PI4KA: variants seen among roughly 807,000 people sequenced by gnomAD.
The protein encoded by PI4KA is phosphatidylinositol 4-kinase alpha, also known as PI4-kinase alpha.
Under a neutral mutation model 271.4 loss-of-function variants are expected in PI4KA, and 122 were observed. The observed-to-expected ratio is 0.45, with a 90% CI of 0.39 to 0.52. The LOEUF (loss-of-function observed/expected upper bound fraction) is 0.52. Among genes scored for constraint, PI4KA ranks in the 20% least tolerant of loss-of-function variants. The probability of loss-of-function intolerance (pLI) is 0.00; values close to 1 mark genes in which losing one functional copy is unlikely to be tolerated. For synonymous variants in PI4KA, 1,041 were observed against 1,078.8 expected, an observed-to-expected ratio of 0.96 and a Z score of 0.69; for missense variants, 1,969 against 2,769.1, an observed-to-expected ratio of 0.71 and a Z score of 6.48.
intron 18 of PI4KA, among the ~76,000 whole-genome samples, chr22:20,795,618 G>A (rs1032702387): frequency 6.6e-6 from 1 of 152,146 alleles, no homozygotes; most frequent in African/African-American, 2.4e-5. Flanking sequence ...TAGTGCCCAC[G>A]TGACATGCTA....
chr22:20,834,967 C>T (rs1924671650), intron 2 of PI4KA, among the ~76,000 whole-genome samples: 1 of 152,164 alleles, frequency 6.6e-6, no homozygotes, highest in Admixed American at 6.5e-5. Context: ...AGGAGGTACA[C>T]GTGTGTACAC....
Position 20,753,152 on chromosome 22 carries a change from C to T in PI4KA, c.2820G>A (p.Ala940=), listed in dbSNP as rs780605930. The T allele has an allele frequency of 1.4e-5, 22 of 1,613,230 alleles. No homozygotes were observed. The highest frequency in any genetic ancestry group is 1.7e-5 in the Non-Finnish European group (20 of 1,180,024). ...SGMMQCVIAV[A]DKVFDAFLNM... ...TCAGGAAGGCATCGAATACTTTGTCCGCGACTGCAATCACACACTGCATCA... is the reference window on the plus strand; with the variant it reads ...TCAGGAAGGCATCGAATACTTTGTCTGCGACTGCAATCACACACTGCATCA... Residue 940 remains alanine, a synonymous_variant, in exon 24 of 55, where the codon GCG becomes GCA. Transcript: ENST00000255882.
At chr22:20,762,859 CAG>C (rs2147384156) in intron 22 of PI4KA, among the ~76,000 whole-genome samples, 1 of 152,254 alleles carries the variant, frequency 6.6e-6, no homozygotes, top group East Asian at 1.9e-4. Context: ...TTTTATAAGA[CAG>C]GGTCTTTTGC....
At position 20,796,316 on chromosome 22, in the gene PI4KA, TGAA is replaced by T. The variant is rs746217558; in HGVS notation, c.2109-5_2109-3del. On this transcript the variant is annotated splice_region_variant and splice_polypyrimidine_tract_variant and intron_variant, in intron 17 of 54. Transcript: ENST00000255882. ...TTAATCACTGCCAGGGAGCAATGCC[TGAA>T]GAAGAAGGAGTGAAATAACAGCCAC... 5.6e-5 allele frequency: 90 copies of T among 1,612,178 alleles called. No individual in the cohort carries two copies. Among genetic ancestry groups the T allele is most frequent in the East Asian group, 8.9e-5 (4 of 44,820 alleles).
At chr22:20,837,969 A>C (rs1363656002) in intron 2 of PI4KA, among the ~76,000 whole-genome samples, 1 of 152,050 alleles carries the variant, frequency 6.6e-6, no homozygotes, top group Non-Finnish European at 1.5e-5. Flanking sequence ...AAATACAAAA[A>C]AATTAGCCAG....
At chr22:20,851,341 T>C (rs543564249) in intron 1 of PI4KA, among the ~76,000 whole-genome samples, 112 of 152,150 alleles carry the variant, frequency 7.4e-4, no homozygotes, top group African/African-American at 2.6e-3. Flanking sequence ...TTTTTTTTGT[T>C]GTTGTTGTTG....
At chr22:20,793,964 T>C (rs1191236891) in intron 18 of PI4KA, among the ~76,000 whole-genome samples, 1 of 152,266 alleles carries the variant, frequency 6.6e-6, no homozygotes, top group East Asian at 1.9e-4. Context: ...CCAGGCACTG[T>C]GCTCAGTGCT....
intron 14 of PI4KA, among the ~76,000 whole-genome samples, chr22:20,800,291 T>C (rs2147595026): frequency 1.3e-5 from 2 of 152,326 alleles, no homozygotes; most frequent in East Asian, 3.9e-4. Context: ...AGCTGCCATC[T>C]TGATTTAGCT....
In PI4KA at chr22:20,805,159, G is replaced by C; in HGVS notation, c.1175C>G (p.Pro392Arg). Residue 392 changes from proline (P) to arginine (R), a missense_variant, in exon 11 of 55, where the codon CCG becomes CGG. Pro to Arg is a moderately radical substitution (Grantham distance 103, BLOSUM62 -2). Around this residue, in one of 13 missense-constraint regions of PI4KA, gnomAD observed 540 missense variants for 555.5 expected, o/e 0.97. Coordinates refer to ENST00000255882, the MANE Select transcript of PI4KA (RefSeq NM_058004.4). ...RDTLYYMKDL[P>R]TSFVKEIHDF... The stretch of plus-strand genomic sequence containing the variant: ...ATGGATCTCCTTCACAAAAGAGGTC[G>C]GGAGGTCTGTAGGAAAGAGTGTGGC... 3.7e-6 allele frequency: 6 copies of C among 1,612,896 alleles called. No homozygotes were observed. The highest frequency in any genetic ancestry group is 1.1e-5 in the South Asian group (1 of 90,880).
intron 1 of PI4KA, among the ~76,000 whole-genome samples, chr22:20,844,659 G>A (rs903752201): frequency 2.6e-5 from 4 of 152,078 alleles, no homozygotes; most frequent in African/African-American, 9.7e-5. Context: ...CTTGAACCTG[G>A]GTCCTACAGA....
At position 20,838,750 on chromosome 22, in the gene PI4KA, C is replaced by G. The variant is rs1227979600; in HGVS notation, c.157-19G>C. The G allele has an allele frequency of 4.3e-6, 6 of 1,384,580 alleles. No homozygotes were observed. The highest frequency in any genetic ancestry group is 5.1e-6 in the Non-Finnish European group (5 of 975,144). 85.8% of individuals were successfully genotyped at this position (1,384,580 alleles called of 1,614,324 possible). A position where few individuals can be genotyped will look rare whatever the true frequency, so the allele number is the denominator to read the frequency against. On this transcript the variant is annotated intron_variant, in intron 1 of 54. Coordinates refer to ENST00000255882, the MANE Select transcript of PI4KA (RefSeq NM_058004.4). ...TTTGGACCTAGAAAATGAGACCCCC[C>G]CAAAAACAGCTCTACAAAATAGAAA... is the stretch of plus-strand genomic sequence containing the variant.
intron 3 of PI4KA, among the ~76,000 whole-genome samples, chr22:20,834,017 G>A (rs1324173562): frequency 6.6e-6 from 1 of 152,074 alleles, no homozygotes; most frequent in Non-Finnish European, 1.5e-5. Flanking sequence ...GCCTCCCAGA[G>A]TGCTAGAATT....
chr22:20,730,410 G>T (rs1184377531), intron 36 of PI4KA, among the ~76,000 whole-genome samples: 1 of 151,396 alleles, frequency 6.6e-6, no homozygotes, highest in Non-Finnish European at 1.5e-5. Flanking sequence ...AAGTAGCTGG[G>T]ATTACAGGTG....
Position 20,799,202 on chromosome 22 carries a change from T to C in PI4KA, c.1895A>G (p.Lys632Arg), listed in dbSNP as rs773306672. ...HIAVALRDTP[K>R]VMEPILQILQ... ...GATCTGCAGAATGGGCTCCATGACCTTCGGGGTGTCCCTCAAGGCCACCGC... is the reference window on the plus strand; with the variant it reads ...GATCTGCAGAATGGGCTCCATGACCCTCGGGGTGTCCCTCAAGGCCACCGC... Residue 632 changes from lysine to arginine, a missense_variant, in exon 16 of 55, where the codon AAG becomes AGG. Lys to Arg is a conservative substitution (Grantham distance 26, BLOSUM62 2). Transcript: ENST00000255882. 72 of 1,593,118 alleles carry C rather than the reference T, an allele frequency of 4.5e-5. No individual in the cohort carries two copies. In the East Asian group the frequency reaches 1.6e-3, roughly 35 times the overall value.
intron 19 of PI4KA, among the ~76,000 whole-genome samples, chr22:20,773,021 G>A (rs118039388): frequency 0.03 from 4,502 of 152,084 alleles, 89 homozygotes; most frequent in Middle Eastern, 0.062. Flanking sequence ...AGCTCGGGAG[G>A]TTGAGGCTGC....
chr22:20,746,115 T>G (rs1245230960), intron 29 of PI4KA, among the ~76,000 whole-genome samples: 26 of 128,768 alleles, frequency 2.0e-4, no homozygotes, highest in African/African-American at 7.5e-4. Context: ...CAGGCTGGAG[T>G]GCAGTGGCGG....
intron 19 of PI4KA, among the ~76,000 whole-genome samples, chr22:20,775,514 C>T (rs1933198845): frequency 6.6e-6 from 1 of 152,192 alleles, no homozygotes; most frequent in Non-Finnish European, 1.5e-5. Context: ...ATAAAACATG[C>T]ATGTCTTTAC....
At chr22:20,764,228 G>A (rs1012642646) in intron 22 of PI4KA, among the ~76,000 whole-genome samples, 7 of 152,098 alleles carry the variant, frequency 4.6e-5, no homozygotes, top group African/African-American at 1.4e-4. Context: ...CAAGCATGTC[G>A]GGGAGTGCGT....
chr22:20,747,157 A>G (rs922993662), intron 29 of PI4KA, among the ~76,000 whole-genome samples: 7 of 152,220 alleles, frequency 4.6e-5, no homozygotes, highest in African/African-American at 1.7e-4. Flanking sequence ...TAGCAGAACA[A>G]GAAGCTGAAG....
Sources: gnomAD v4.1 joint callset for allele counts (sites outside exome capture counted in the v4.1 genomes callset) on GRCh38, gnomAD v4.1.1 for gene constraint, gnomAD v4.1.1 regional missense constraint, MANE v1.5 for transcripts, NCBI Gene and HGNC (gene_info 2026-07-23, HGNC 2026-07-21) for gene names.